Variants in ATP4A observed in about 807,000 individuals in gnomAD.
ATP4A encodes ATPase H+/K+ transporting subunit alpha, also known as potassium-transporting ATPase alpha chain 1.
In ATP4A, 73 loss-of-function variants were observed where a neutral mutation model predicts 112.1. The observed-to-expected ratio is 0.65, with a 90% CI of 0.54 to 0.79. ATP4A has a LOEUF of 0.79. Ranked by LOEUF, ATP4A falls within the 30% of genes least tolerant of loss-of-function variation. The pLI, the probability that ATP4A is intolerant of heterozygous loss-of-function variation, is 0.00. For missense variants in ATP4A, 1,081 were observed against 1,425.9 expected, an observed-to-expected ratio of 0.76 and a Z score of 3.90; for synonymous variants, 588 against 588.9, an observed-to-expected ratio of 1.00 and a Z score of 0.02.
Position 35,551,317 on chromosome 19 carries a change from G to GT in ATP4A, c.2885+129dup, listed in dbSNP as rs201435168. The GT allele has an allele frequency of 4.6e-4, 679 of 1,465,968 alleles. 1 individual carries two copies. In the African/African-American group the frequency reaches 8.4e-3, roughly 18 times the overall value. 90.8% of individuals were successfully genotyped at this position (1,465,968 alleles called of 1,614,324 possible). A position where few individuals can be genotyped will look rare whatever the true frequency, so the allele number is the denominator to read the frequency against. ...GGGGAGTTATTGGCCAGTTAGAAAG[G>GT]TTTTTTTGGCATGTCACCATCTGGC... is the stretch of plus-strand genomic sequence containing the variant. On this transcript the variant is annotated intron_variant, in intron 19 of 21. Coordinates refer to ENST00000262623, the MANE Select transcript of ATP4A (RefSeq NM_000704.3). This position sits in a 1 kb window ranked among gnomAD's most constrained non-coding sequence, Gnocchi z 5.2.
Position 35,563,566 on chromosome 19 carries a change from TC to T in ATP4A, c.13-40del, listed in dbSNP as rs773395469. The T allele has an allele frequency of 2.5e-5, 40 of 1,613,604 alleles. 1 individual carries two copies. The East Asian group carries it at 8.2e-4, about 33-fold the overall frequency. On this transcript the variant is annotated intron_variant, in intron 1 of 21. Transcript: ENST00000262623. ...GGATGGAGGGAGGGAGAACTCAGAT[TC>T]CACTGCAACCCCTGTCCCCACTGCA...
chr19:35,562,728 C>G (rs2071678957), intron 3 of ATP4A, 90 bp from the exon 4 acceptor site: 11 of 1,350,068 alleles, frequency 8.1e-6, no homozygotes, highest in Non-Finnish European at 1.1e-5. Context: ...TTTCCCTTCT[C>G]CAGCTTGGTC....
Position 35,551,732 on chromosome 19 carries a change from G to A in ATP4A, c.2752-152C>T. On this transcript the variant is annotated intron_variant, in intron 18 of 21. Coordinates refer to ENST00000262623, the MANE Select transcript of ATP4A (RefSeq NM_000704.3). The surrounding 1 kb of genome is among the most constrained non-coding windows in gnomAD (Gnocchi z 5.2). ...GAGTGTGGGGGTGGGGGGAAGGAGAGAGGCAGGGTCTGCCAGGTGTGCAGG... is the reference window on the plus strand; with the variant it reads ...GAGTGTGGGGGTGGGGGGAAGGAGAAAGGCAGGGTCTGCCAGGTGTGCAGG... 2 of 1,084,656 alleles carry A rather than the reference G, an allele frequency of 1.8e-6. No homozygotes were observed. The highest frequency in any genetic ancestry group is 3.0e-5 in the South Asian group (2 of 65,722). The allele number at this position is 1,084,656 out of a possible 1,614,324, so 67.2% of individuals were successfully genotyped here. A position where few individuals can be genotyped will look rare whatever the true frequency, so the allele number is the denominator to read the frequency against.
At position 35,555,356 on chromosome 19, in the gene ATP4A, G is replaced by C. The variant is rs1454126460; in HGVS notation, c.2158-22C>G. ...CACCCTGCAGGCAGTGGGTGCAGGT[G>C]GTGGGTGGGTGGTCAGTGAGAGGCC... On this transcript the variant is annotated intron_variant, in intron 14 of 21. Transcript: ENST00000262623. This position sits in a 1 kb window ranked among gnomAD's most constrained non-coding sequence, Gnocchi z 6.6. 2 of 1,606,044 alleles carry C rather than the reference G, an allele frequency of 1.2e-6. No individual in the cohort carries two copies. Among genetic ancestry groups the C allele is most frequent in the Non-Finnish European group, 8.5e-7 (1 of 1,174,918 alleles).
Position 35,559,591 on chromosome 19 carries a change from T to C in ATP4A, c.1056+214A>G, listed in dbSNP as rs114417956. ...TCTTCCAGTTAAGGACCCGGCCTCG[T>C]CATCTCTGCGCCCTCAATGTGTGGC... On this transcript the variant is annotated intron_variant, in intron 7 of 21. Coordinates refer to ENST00000262623, the MANE Select transcript of ATP4A (RefSeq NM_000704.3). The surrounding 1 kb of genome is among the most constrained non-coding windows in gnomAD (Gnocchi z 4.1). 5.4e-3 allele frequency among the ~76,000 whole-genome samples: 822 copies of C among 152,330 alleles called. 12 individuals carry two copies. Among genetic ancestry groups the C allele is most frequent in the African/African-American group, 0.019 (789 of 41,574 alleles).
chr19:35,558,286 C>T lies in ATP4A; in HGVS notation c.1500+76G>A. On this transcript the variant is annotated intron_variant, in intron 10 of 21. Transcript: ENST00000262623. This position sits in a 1 kb window ranked among gnomAD's most constrained non-coding sequence, Gnocchi z 5.1. ...GGGCAAGGAGCGAAGCCCCTCGTGGCCCGCTGATGTGGGTGTGGCCTGGGG... is the reference window on the plus strand; with the variant it reads ...GGGCAAGGAGCGAAGCCCCTCGTGGTCCGCTGATGTGGGTGTGGCCTGGGG... 6.6e-7 allele frequency: 1 copy of T among 1,514,122 alleles called. No individual in the cohort carries two copies. The highest frequency in any genetic ancestry group is 8.9e-7 in the Non-Finnish European group (1 of 1,126,296). The allele number at this position is 1,514,122 out of a possible 1,614,324, so 93.8% of individuals were successfully genotyped here.
At position 35,557,101 on chromosome 19, in the gene ATP4A, G is replaced by A. The variant is rs763509017; in HGVS notation, c.1694-13C>T. On this transcript the variant is annotated splice_polypyrimidine_tract_variant and intron_variant, in intron 11 of 21. Coordinates refer to ENST00000262623, the MANE Select transcript of ATP4A (RefSeq NM_000704.3). This position sits in a 1 kb window ranked among gnomAD's most constrained non-coding sequence, Gnocchi z 4.4. The stretch of plus-strand genomic sequence containing the variant: ...AGCTGGCAGAAGCCTGACCGGAAAC[G>A]GGGAAGTCAGGGAAGAGCCCTGGGC... The A allele has an allele frequency of 1.3e-5, 21 of 1,613,856 alleles. No homozygotes were observed. The Admixed American group carries it at 1.5e-4, about 12-fold the overall frequency.
chr19:35,557,535 G>A lies in ATP4A; in HGVS notation c.1693+120C>T, dbSNP rs1279496509. 1 of 1,249,030 alleles carries A rather than the reference G, an allele frequency of 8.0e-7. No individual in the cohort carries two copies. The allele number at this position is 1,249,030 out of a possible 1,614,324, so 77.4% of individuals were successfully genotyped here. On this transcript the variant is annotated intron_variant, in intron 11 of 21. Coordinates refer to ENST00000262623, the MANE Select transcript of ATP4A (RefSeq NM_000704.3). This position sits in a 1 kb window ranked among gnomAD's most constrained non-coding sequence, Gnocchi z 4.4. Reference sequence around the variant, plus strand: ...AAAGTCAAGGGTGAGGCTGTGGACTGCGACAAATCAGCCAGCAGCCAGGGA... The same window carrying A: ...AAAGTCAAGGGTGAGGCTGTGGACTACGACAAATCAGCCAGCAGCCAGGGA...
Position 35,558,578 on chromosome 19 carries a change from T to C in ATP4A, c.1364A>G (p.Lys455Arg), listed in dbSNP as rs751272693. 5.0e-6 allele frequency: 8 copies of C among 1,602,504 alleles called. No homozygotes were observed. In the South Asian group the frequency reaches 7.9e-5, roughly 16 times the overall value. ...KSGQDAVPVP[K>R]RIVIGDASET... ...CCCTGGAGGCCCCCTGGCTCTCACC[T>C]TGGGCACAGGCACTGCATCCTGGCC... Residue 455 changes from lysine (K) to arginine (R), a missense_variant and splice_region_variant, in exon 9 of 22, where the codon AAG (lysine) becomes AGG (arginine). Lys to Arg is a conservative substitution (Grantham distance 26). This residue lies in a region of ATP4A where 850 missense variants were observed against 1,068.2 expected (regional missense o/e 0.80). Transcript: ENST00000262623. The surrounding 1 kb of genome is among the most constrained non-coding windows in gnomAD (Gnocchi z 5.1).
rs1415939851 is a variant in ATP4A, at chr19:35,559,195, G to C, written c.1057-4C>G. ...TGGCTGTCAGGGACAGGCAGACCTG[G>C]GGAAGGGGTGAGCACCGCAGGCTGG... On this transcript the variant is annotated splice_polypyrimidine_tract_variant and splice_region_variant and intron_variant, in intron 7 of 21. Coordinates refer to ENST00000262623, the MANE Select transcript of ATP4A (RefSeq NM_000704.3). The surrounding 1 kb of genome is among the most constrained non-coding windows in gnomAD (Gnocchi z 4.1). The C allele has an allele frequency of 1.4e-5, 22 of 1,613,516 alleles. No individual in the cohort carries two copies. Among genetic ancestry groups the C allele is most frequent in the African/African-American group, 2.7e-5 (2 of 74,942 alleles).
rs1190527246 is a variant in ATP4A at position 35,558,166 on chromosome 19, G to A, written c.1500+196C>T. On this transcript the variant is annotated intron_variant, in intron 10 of 21. Coordinates refer to ENST00000262623, the MANE Select transcript of ATP4A (RefSeq NM_000704.3). The surrounding 1 kb of genome is among the most constrained non-coding windows in gnomAD (Gnocchi z 5.1). ...TGGACAGTCCCGCCGAGGAGAAGCTGTGGGCGGGGCTGGGTGGTGGGCGGG... is the reference window on the plus strand; with the variant it reads ...TGGACAGTCCCGCCGAGGAGAAGCTATGGGCGGGGCTGGGTGGTGGGCGGG... 3 of 751,052 alleles carry A rather than the reference G, an allele frequency of 4.0e-6. No homozygotes were observed. In the African/African-American group the frequency reaches 5.3e-5, roughly 13 times the overall value. 46.5% of individuals were successfully genotyped at this position (751,052 alleles called of 1,614,324 possible). A position where few individuals can be genotyped will look rare whatever the true frequency, so the allele number is the denominator to read the frequency against.
At chr19:35,556,625 G>A (rs144299628) in intron 12 of ATP4A, among the ~76,000 whole-genome samples, 25 of 152,338 alleles carry the variant, frequency 1.6e-4, no homozygotes, top group African/African-American at 6.0e-4. Context: ...TTAAGTTTGA[G>A]CTGCTGGAGC....
chr19:35,550,721 T>C lies in ATP4A; in HGVS notation c.3080-78A>G, dbSNP rs1436819593. 2 of 1,609,412 alleles carry C rather than the reference T, an allele frequency of 1.2e-6. No individual in the cohort carries two copies. Among genetic ancestry groups the C allele is most frequent in the African/African-American group, 2.7e-5 (2 of 74,900 alleles). On this transcript the variant is annotated intron_variant, in intron 21 of 21. Coordinates refer to ENST00000262623, the MANE Select transcript of ATP4A (RefSeq NM_000704.3). This position sits in a 1 kb window ranked among gnomAD's most constrained non-coding sequence, Gnocchi z 4.1. ...GGGCCAGGGGCTCAGAGGTCAGTGC[T>C]GGTTGCTATGGAGGGTCAAGGGCTT...
chr19:35,553,385 C>G (rs571832451), intron 17 of ATP4A, among the ~76,000 whole-genome samples: 1 of 152,060 alleles, frequency 6.6e-6, no homozygotes, highest in Admixed American at 6.5e-5. Context: ...GACAGAGACA[C>G]AGAGGCAGAG....
chr19:35,558,526 A>G lies in ATP4A; in HGVS notation c.1366-30T>C, dbSNP rs1456849627. 15 of 1,589,338 alleles carry G rather than the reference A, an allele frequency of 9.4e-6. No homozygotes were observed. Among genetic ancestry groups the G allele is most frequent in the South Asian group, 6.9e-5 (6 of 87,412 alleles). ...GAGCGGGGACCGGTGTCAGGGGCGA[A>G]GCCGGCTACACCAGCCTCCCGGGAT... On this transcript the variant is annotated intron_variant, in intron 9 of 21. Transcript: ENST00000262623. This position sits in a 1 kb window ranked among gnomAD's most constrained non-coding sequence, Gnocchi z 5.1.
Position 35,560,058 on chromosome 19 carries a change from A to T in ATP4A, c.803T>A (p.Leu268Gln), listed in dbSNP as rs2071659150. 1 of 1,613,794 alleles carries T rather than the reference A, an allele frequency of 6.2e-7. No homozygotes were observed. Among genetic ancestry groups the T allele is most frequent in the African/African-American group, 1.3e-5 (1 of 74,928 alleles). The change falls in exon 7 of 22, where the codon CTG becomes CAG. Residue 268 changes from leucine to glutamine, a missense_variant. By Grantham distance (113) the Leu-to-Gln change is moderately radical (BLOSUM62 -2). Around this residue, in one of 3 missense-constraint regions of ATP4A, gnomAD observed 850 missense variants for 1,068.2 expected, o/e 0.80. Coordinates refer to ENST00000262623, the MANE Select transcript of ATP4A (RefSeq NM_000704.3). The surrounding 1 kb of genome is among the most constrained non-coding windows in gnomAD (Gnocchi z 5.1). ...GGTGCGGTCGCCCGTGTTCACCACC[A>T]GGCCCTGCACGGTGCCTGCAGGGGG... is the stretch of plus-strand genomic sequence containing the variant. ...TMCLEGTVQG[L>Q]VVNTGDRTII...
In ATP4A at chr19:35,559,554, A is replaced by G. The variant is rs377557322; in HGVS notation, c.1056+251T>C. Reference sequence around the variant, plus strand: ...CTGGTGACATGCTGGCTGCCTGCACAGGACATCAGCCTCTTCCAGTTAAGG... The same window carrying G: ...CTGGTGACATGCTGGCTGCCTGCACGGGACATCAGCCTCTTCCAGTTAAGG... On this transcript the variant is annotated intron_variant, in intron 7 of 21. Transcript: ENST00000262623. This position sits in a 1 kb window ranked among gnomAD's most constrained non-coding sequence, Gnocchi z 4.1. 4.6e-5 allele frequency among the ~76,000 whole-genome samples: 7 copies of G among 152,380 alleles called. No individual in the cohort carries two copies. The highest frequency in any genetic ancestry group is 1.4e-4 in the African/African-American group (6 of 41,590).
rs779735781 is a variant in ATP4A at position 35,550,952 on chromosome 19, C to T, written c.2988-27G>A. 2.5e-6 allele frequency: 4 copies of T among 1,613,570 alleles called. No individual in the cohort carries two copies. The stretch of plus-strand genomic sequence containing the variant: ...TGAAGGCACATGGCAAGGTGAAGGC[C>T]ATCCCAGGCCTGTGCCCTACAGCCC... On this transcript the variant is annotated intron_variant, in intron 20 of 21. Coordinates refer to ENST00000262623, the MANE Select transcript of ATP4A (RefSeq NM_000704.3). The surrounding 1 kb of genome is among the most constrained non-coding windows in gnomAD (Gnocchi z 4.1).
Position 35,558,419 on chromosome 19 carries a change from G to A in ATP4A, c.1443C>T (p.Tyr481=). 1 of 1,609,842 alleles carries A rather than the reference G, an allele frequency of 6.2e-7. No individual in the cohort carries two copies. Among genetic ancestry groups the A allele is most frequent in the Non-Finnish European group, 8.5e-7 (1 of 1,178,350 alleles). The change falls in exon 10 of 22, where the codon TAC becomes TAT. Residue 481 remains tyrosine, a synonymous_variant. Transcript: ENST00000262623. This position sits in a 1 kb window ranked among gnomAD's most constrained non-coding sequence, Gnocchi z 5.1. ...CGCAGACTTTTGGGAAGCGGTCCCGGTAGCCCATGGCGTTGCCCAGCGTCA... is the reference window on the plus strand; with the variant it reads ...CGCAGACTTTTGGGAAGCGGTCCCGATAGCCCATGGCGTTGCCCAGCGTCA... ...SELTLGNAMG[Y]RDRFPKVCEI... is the part of the protein sequence containing the mutation.
Sources: allele counts gnomAD v4.1 joint callset (sites outside exome capture counted in the v4.1 genomes callset), GRCh38; gene constraint gnomAD v4.1.1; regional missense constraint gnomAD v4.1.1; non-coding constraint Gnocchi (gnomAD v3.1); transcripts MANE v1.5; gene names NCBI Gene and HGNC (gene_info 2026-07-23, HGNC 2026-07-21).